MIER1: variants seen among roughly 807,000 people sequenced by gnomAD.
The protein encoded by MIER1 is mesoderm induction early response protein 1.
In MIER1, 40 loss-of-function variants were observed where a neutral mutation model predicts 75.7. The ratio of observed to expected loss-of-function variants is 0.53; its 90% confidence interval spans 0.41 to 0.69. MIER1 has a LOEUF of 0.69. MIER1 is among the 30% of genes least tolerant of loss of function. MIER1 has a pLI of 0.00. For missense variants in MIER1, 574 were observed against 680.2 expected, an observed-to-expected ratio of 0.84 and a Z score of 1.74; for synonymous variants, 213 against 223.4, an observed-to-expected ratio of 0.95 and a Z score of 0.42.
chr1:66,958,703 T>C, intron 5 of MIER1, 148 bp from the exon 6 acceptor site: 1 of 570,158 alleles, frequency 1.8e-6, no homozygotes, highest in Non-Finnish European at 3.0e-6. Context: ...CTTTTTCCTG[T>C]TGCAGGAACC....
intron 2 of MIER1, among the ~76,000 whole-genome samples, chr1:66,927,549 A>T (rs547091048): frequency 2.0e-5 from 3 of 151,772 alleles, no homozygotes; most frequent in East Asian, 1.9e-4. Context: ...TTAAAAATAA[A>T]TTTTTTTTTG....
intron 8 of MIER1, among the ~76,000 whole-genome samples, chr1:66,964,739 A>C (rs530703305): frequency 6.6e-6 from 1 of 152,290 alleles, no homozygotes; most frequent in East Asian, 1.9e-4. Flanking sequence ...GGCATGAGCC[A>C]CTGCACCTGG....
At chr1:66,971,091 C>A in intron 9 of MIER1, 132 bp downstream of exon 9, 2 of 785,076 alleles carry the variant, frequency 2.5e-6, no homozygotes, top group Non-Finnish European at 3.8e-6. Flanking sequence ...AGGTTATAAT[C>A]CCTGTAAGAT....
chr1:66,962,223 A>G (rs985941664), intron 7 of MIER1, among the ~76,000 whole-genome samples: 9 of 152,304 alleles, frequency 5.9e-5, no homozygotes, highest in Admixed American at 1.3e-4. Flanking sequence ...CTGTATAGAT[A>G]TGATTACTGG....
In MIER1 at chr1:66,958,996, G is replaced by C. The variant is rs965586055; in HGVS notation, c.634+13G>C. 7 of 1,605,126 alleles carry C rather than the reference G, an allele frequency of 4.4e-6. No homozygotes were observed. Among genetic ancestry groups the C allele is most frequent in the African/African-American group, 2.7e-5 (2 of 74,558 alleles). On this transcript the variant is annotated intron_variant, in intron 6 of 13. Transcript: ENST00000401041. ...TATTTTGATACAAGTAAGTGTTACT[G>C]GTTGATAATATTTGAATATAATTTT...
chr1:66,979,687 A>G (rs547115624), intron 12 of MIER1, among the ~76,000 whole-genome samples: 2 of 152,058 alleles, frequency 1.3e-5, no homozygotes, highest in East Asian at 3.9e-4. Context: ...AATAATTACT[A>G]TCCTTTCACA....
At chr1:66,959,314 T>C (rs1358808939) in intron 6 of MIER1, among the ~76,000 whole-genome samples, 1 of 152,166 alleles carries the variant, frequency 6.6e-6, no homozygotes, top group African/African-American at 2.4e-5. Context: ...CTTAGCCTTT[T>C]TTAGGTATAT....
Position 66,970,977 on chromosome 1 carries a change from C to G in MIER1, c.924+18C>G, listed in dbSNP as rs528341818. The G allele has an allele frequency of 7.7e-6, 12 of 1,561,598 alleles. No homozygotes were observed. The highest frequency in any genetic ancestry group is 1.0e-5 in the Non-Finnish European group (12 of 1,164,020). On this transcript the variant is annotated intron_variant, in intron 9 of 13. Coordinates refer to ENST00000401041, the MANE Select transcript of MIER1 (RefSeq NM_001077700.3). ...ATGAACAGGTCTGTGAAAGAAACAA[C>G]TGTTAGAACTTTGCCATACACATTT...
chr1:66,987,537 A>T lies in MIER1; in HGVS notation c.*2637A>T, dbSNP rs1175892874. The stretch of plus-strand genomic sequence containing the variant: ...TAAAATGTATTTGAAGTAATATTTA[A>T]ATAGGCATTTAAAATTTCAAATTAG... On this transcript the variant is annotated 3_prime_UTR_variant, in exon 14 of 14. Coordinates refer to ENST00000401041, the MANE Select transcript of MIER1 (RefSeq NM_001077700.3). 6.5e-6 allele frequency: 1 copy of T among 152,716 alleles called. No homozygotes were observed. The highest frequency in any genetic ancestry group is 6.5e-5 in the Admixed American group (1 of 15,276). 9.5% of individuals were successfully genotyped at this position (152,716 alleles called of 1,614,324 possible).
chr1:66,972,985 TA>T lies in MIER1; in HGVS notation c.1097del (p.Asn366IlefsTer12). 6.3e-7 allele frequency: 1 copy of T among 1,579,220 alleles called. No homozygotes were observed. The highest frequency in any genetic ancestry group is 8.7e-7 in the Non-Finnish European group (1 of 1,149,832). Reference sequence around the variant, plus strand: ...GAAAGGATTTTCATTTGATTCAGGCTAATAAAGTAAGTAATGATAATCTCTT... The same window carrying T: ...GAAAGGATTTTCATTTGATTCAGGCTATAAAGTAAGTAATGATAATCTCTT... ...YGKDFHLIQA[N>X]KVRTRSVGEC... On this transcript the variant is annotated frameshift_variant, in exon 11 of 14. Transcript: ENST00000401041. LOFTEE classifies it high-confidence loss of function.
intron 2 of MIER1, chr1:66,930,516 A>G: frequency 1.8e-6 from 2 of 1,109,316 alleles, no homozygotes; most frequent in Non-Finnish European, 2.5e-6. Context: ...GCCGCTGCCC[A>G]CCTGTTGTCC....
At chr1:66,979,913 C>T (rs1036926550) in intron 12 of MIER1, among the ~76,000 whole-genome samples, 13 of 151,848 alleles carry the variant, frequency 8.6e-5, no homozygotes, top group South Asian at 4.2e-4. Context: ...TACAGGCATG[C>T]GCCACCACAC....
chr1:66,959,810 T>A (rs963831988), intron 7 of MIER1, 67 bp downstream of exon 7: 6 of 626,814 alleles, frequency 9.6e-6, no homozygotes, highest in Non-Finnish European at 1.4e-5. Flanking sequence ...CTCGTGTAAT[T>A]ATTTTTTTTT....
At position 66,970,867 on chromosome 1, in the gene MIER1, A is replaced by T; in HGVS notation, c.832A>T (p.Ile278Phe). The change falls in exon 9 of 14, where the codon ATT becomes TTT. Residue 278 changes from isoleucine to phenylalanine, a missense_variant. Around this residue, in one of 3 missense-constraint regions of MIER1, gnomAD observed 309 missense variants for 352.8 expected, o/e 0.88. Transcript: ENST00000401041. ...TGAGTACTTACCAGAAGATAAAGTG[A>T]TTATATTTCTTAAAGATGCATCTAG... ...DPEYLPEDKV[I>F]IFLKDASRRT... is the part of the protein sequence containing the mutation. 5 of 1,598,376 alleles carry T rather than the reference A, an allele frequency of 3.1e-6. No individual in the cohort carries two copies. The highest frequency in any genetic ancestry group is 1.1e-5 in the South Asian group (1 of 88,512).
chr1:66,984,292 G>C (rs999062442), intron 13 of MIER1, among the ~76,000 whole-genome samples: 2 of 152,154 alleles, frequency 1.3e-5, no homozygotes, highest in South Asian at 4.1e-4. Flanking sequence ...GCCAAATTCT[G>C]TTCTTAGTTC....
rs1651125843 is a variant in MIER1, at chr1:66,925,028, G to A, written c.-1G>A. 6.5e-7 allele frequency: 1 copy of A among 1,547,604 alleles called. No homozygotes were observed. The highest frequency in any genetic ancestry group is 1.2e-5 in the South Asian group (1 of 84,472). ...GCTCTGAGTCTCCCGGCTGCAGGCGGATGGATGGGGCTTCTTCAGGCGGTG... is the reference window on the plus strand; with the variant it reads ...GCTCTGAGTCTCCCGGCTGCAGGCGAATGGATGGGGCTTCTTCAGGCGGTG... On this transcript the variant is annotated 5_prime_UTR_variant, in exon 1 of 14. Transcript: ENST00000401041.
At chr1:66,945,418 TTTTG>T (rs1359943329) in intron 3 of MIER1, among the ~76,000 whole-genome samples, 1 of 151,942 alleles carries the variant, frequency 6.6e-6, no homozygotes, top group Non-Finnish European at 1.5e-5. Context: ...ACAGAGGTTT[TTTTG>T]TTTTTGTTTT....
At chr1:66,952,872 T>G (rs1659291284) in intron 4 of MIER1, among the ~76,000 whole-genome samples, 1 of 152,196 alleles carries the variant, frequency 6.6e-6, no homozygotes, top group African/African-American at 2.4e-5. Context: ...CTCGAACTCC[T>G]GAGCTCAAGT....
intron 4 of MIER1, among the ~76,000 whole-genome samples, chr1:66,952,295 A>G (rs1241153682): frequency 6.6e-6 from 1 of 152,220 alleles, no homozygotes; most frequent in African/African-American, 2.4e-5. Flanking sequence ...CTTTGGTAAT[A>G]TAAACTAATT....
Sources: allele counts gnomAD v4.1 joint callset (sites outside exome capture counted in the v4.1 genomes callset), GRCh38; gene constraint gnomAD v4.1.1; regional missense constraint gnomAD v4.1.1; transcripts MANE v1.5; gene names NCBI Gene and HGNC (gene_info 2026-07-23, HGNC 2026-07-21).